Variants in DDX39B observed in about 807,000 individuals in gnomAD.
DDX39B encodes spliceosome RNA helicase DDX39B.
DDX39B carries 6 observed loss-of-function variants against 46.4 expected under a neutral mutation model. The observed-to-expected ratio is 0.13, with a 90% CI of 0.07 to 0.26. DDX39B has a LOEUF of 0.26. Ranked by LOEUF, DDX39B falls within the 10% of genes least tolerant of loss-of-function variation. DDX39B has a pLI of 1.00. For missense variants in DDX39B, 185 were observed against 553.4 expected (o/e 0.33, Z 6.68); for synonymous variants, 174 against 199.4 (o/e 0.87, Z 1.07).
chr6:31,530,749 C>A lies in DDX39B; in HGVS notation c.1270+30G>T, dbSNP rs1767069944. The stretch of plus-strand genomic sequence containing the variant: ...CAAACACACTAAGGAACAGGGAGGA[C>A]CTAAAGGGTTTCATGAGATCAGTAC... On this transcript the variant is annotated intron_variant, in intron 10 of 10. Transcript: ENST00000396172. This position sits in a 1 kb window ranked among gnomAD's most constrained non-coding sequence, Gnocchi z 4.5. The A allele has an allele frequency of 1.2e-6, 2 of 1,605,304 alleles. No individual in the cohort carries two copies. Among genetic ancestry groups the A allele is most frequent in the African/African-American group, 2.7e-5 (2 of 74,900 alleles).
intron 6 of DDX39B, 85 bp from the exon 7 acceptor site, chr6:31,532,996 A>G (rs747890142): frequency 2.0e-6 from 1 of 510,390 alleles, no homozygotes; most frequent in Non-Finnish European, 3.7e-6. Flanking sequence ...TTGATCTCCA[A>G]TACACCCCAT....
chr6:31,536,708 T>TCA (rs1334009305), intron 4 of DDX39B, 25 bp from the exon 5 acceptor site: 5 of 1,609,112 alleles, frequency 3.1e-6, no homozygotes, highest in Non-Finnish European at 3.4e-6. Context: ...GCAAAGAGTC[T>TCA]CAAAACAGAG....
At position 31,531,775 on chromosome 6, in the gene DDX39B, T is replaced by G. The variant is rs1442151683; in HGVS notation, c.868-370A>C. On this transcript the variant is annotated intron_variant, in intron 7 of 10. Transcript: ENST00000396172. This position sits in a 1 kb window ranked among gnomAD's most constrained non-coding sequence, Gnocchi z 5.8. ...AAACCTAAGGGAGCTATCCTAATTC[T>G]AGAAAGCAGTTTTAAATGCAAATAG... is the stretch of plus-strand genomic sequence containing the variant. 1 of 231,882 alleles carries G rather than the reference T, an allele frequency of 4.3e-6. No homozygotes were observed. Among genetic ancestry groups the G allele is most frequent in the Non-Finnish European group, 8.5e-6 (1 of 117,942 alleles). 14.4% of individuals were successfully genotyped at this position (231,882 alleles called of 1,614,324 possible).
At chr6:31,539,522 C>T (rs576904415) in intron 2 of DDX39B, among the ~76,000 whole-genome samples, 7 of 152,262 alleles carry the variant, frequency 4.6e-5, no homozygotes, top group African/African-American at 1.7e-4. Context: ...AGTAACAAAC[C>T]CCTTGCATCT....
intron 2 of DDX39B, among the ~76,000 whole-genome samples, chr6:31,539,829 C>T (rs1187943748): frequency 2.0e-5 from 3 of 152,016 alleles, no homozygotes; most frequent in Admixed American, 6.5e-5. Flanking sequence ...AGTCAAGTGA[C>T]AAAATTAAAA....
In DDX39B at chr6:31,532,929, G is replaced by T; in HGVS notation, c.736-18C>A. Reference sequence around the variant, plus strand: ...TCCATTGGCTGGGGGGGAGGAAGGGGGTGGGGAACGGGAGGAGGGCAGAGT... The same window carrying T: ...TCCATTGGCTGGGGGGGAGGAAGGGTGTGGGGAACGGGAGGAGGGCAGAGT... On this transcript the variant is annotated intron_variant, in intron 6 of 10. Transcript: ENST00000396172. 3.5e-6 allele frequency: 4 copies of T among 1,137,752 alleles called. No individual in the cohort carries two copies. The highest frequency in any genetic ancestry group is 4.5e-5 in the East Asian group (1 of 22,070). The allele number at this position is 1,137,752 out of a possible 1,614,324, so 70.5% of individuals were successfully genotyped here.
chr6:31,536,971 G>A (rs1383765710), intron 4 of DDX39B, among the ~76,000 whole-genome samples: 1 of 152,096 alleles, frequency 6.6e-6, no homozygotes. Flanking sequence ...AAAAAATAAA[G>A]GAGCCAGGTG....
intron 6 of DDX39B, 142 bp from the exon 7 acceptor site, chr6:31,533,053 CA>C: frequency 9.9e-6 from 6 of 607,760 alleles, no homozygotes; most frequent in Non-Finnish European, 1.5e-5. Context: ...ACCCCACTCC[CA>C]AAAATACCCA....
At position 31,535,271 on chromosome 6, in the gene DDX39B, G is replaced by T; in HGVS notation, c.735+96C>A. The stretch of plus-strand genomic sequence containing the variant: ...CCAGTTGGGCACAAGCCGCCTTCTT[G>T]GCACTTGAATGACAAGGGAGTCTGA... On this transcript the variant is annotated intron_variant, in intron 6 of 10. Transcript: ENST00000396172. The surrounding 1 kb of genome is among the most constrained non-coding windows in gnomAD (Gnocchi z 4.6). The T allele has an allele frequency of 8.1e-7, 1 of 1,228,092 alleles. No individual in the cohort carries two copies. Among genetic ancestry groups the T allele is most frequent in the Non-Finnish European group, 1.2e-6 (1 of 831,416 alleles). The allele number at this position is 1,228,092 out of a possible 1,614,324, so 76.1% of individuals were successfully genotyped here.
At chr6:31,540,224 G>A in intron 2 of DDX39B, 98 bp downstream of exon 2, 1 of 1,349,222 alleles carries the variant, frequency 7.4e-7, no homozygotes, top group East Asian at 2.3e-5. Flanking sequence ...CTAGCCTTAA[G>A]TATAAACCCT....
rs1767976619 is a variant in DDX39B at position 31,538,002 on chromosome 6, T to C, written c.432+761A>G. On this transcript the variant is annotated intron_variant, in intron 4 of 10. Coordinates refer to ENST00000396172, the MANE Select transcript of DDX39B (RefSeq NM_004640.7). ...GTGAGCTGAGATCGCGCCACTACAC[T>C]CACAGCCTGAGGGACACAGCGAGAC... 2.6e-5 allele frequency among the ~76,000 whole-genome samples: 4 copies of C among 151,462 alleles called. No homozygotes were observed. In the South Asian group the frequency reaches 8.5e-4, roughly 32 times the overall value.
chr6:31,536,668 C>CA lies in DDX39B; in HGVS notation c.447dup (p.Gly150TrpfsTer9), dbSNP rs777891843. 4.4e-6 allele frequency: 7 copies of CA among 1,606,500 alleles called. No individual in the cohort carries two copies. The highest frequency in any genetic ancestry group is 1.3e-5 in the African/African-American group (1 of 74,420). On this transcript the variant is annotated frameshift_variant, in exon 5 of 11. Coordinates refer to ENST00000396172, the MANE Select transcript of DDX39B (RefSeq NM_004640.7). LOFTEE classifies it high-confidence loss of function. ...TCATCCTTCTTGATAGACAGACCAC[C>CA]AAAAAAAACAGCAACCTGCCGAGCC...
chr6:31,534,728 T>A lies in DDX39B; in HGVS notation c.735+639A>T. 3 of 350,300 alleles carry A rather than the reference T, an allele frequency of 8.6e-6. No homozygotes were observed. The highest frequency in any genetic ancestry group is 1.7e-5 in the Non-Finnish European group (3 of 178,986). 21.7% of individuals were successfully genotyped at this position (350,300 alleles called of 1,614,324 possible). A position where few individuals can be genotyped will look rare whatever the true frequency, so the allele number is the denominator to read the frequency against. ...CATCCACCGCTGGGTGCCGTCTGCA[T>A]TCCCTCGCCGCGCCACGGTGCTTCT... On this transcript the variant is annotated intron_variant, in intron 6 of 10. Coordinates refer to ENST00000396172, the MANE Select transcript of DDX39B (RefSeq NM_004640.7). This position sits in a 1 kb window ranked among gnomAD's most constrained non-coding sequence, Gnocchi z 5.1.
At chr6:31,536,054 C>T (rs17200712) in intron 5 of DDX39B, among the ~76,000 whole-genome samples, 2 of 152,142 alleles carry the variant, frequency 1.3e-5, no homozygotes, top group Admixed American at 6.5e-5. Flanking sequence ...CACTAGAATA[C>T]CACATCACAC....
At position 31,539,656 on chromosome 6, in the gene DDX39B, C is replaced by T. The variant is rs116337851; in HGVS notation, c.212-382G>A. 8.5e-3 allele frequency among the ~76,000 whole-genome samples: 1,296 copies of T among 152,284 alleles called. 23 individuals carry two copies. The highest frequency in any genetic ancestry group is 0.027 in the African/African-American group (1,136 of 41,544). ...GCTTAGGTTGCTATACTTCGGGTCA[C>T]GTAACTACTACAACCCTGGACAAAA... On this transcript the variant is annotated intron_variant, in intron 2 of 10. Transcript: ENST00000396172.
At chr6:31,538,689 ACTATTGGC>A in intron 4 of DDX39B, 66 bp downstream of exon 4, 1 of 1,339,974 alleles carries the variant, frequency 7.5e-7, no homozygotes, top group Non-Finnish European at 1.0e-6. Context: ...AATTAAAGAG[ACTATTGGC>A]CTACAAGTTT....
At chr6:31,539,051 C>T in intron 3 of DDX39B, 96 bp downstream of exon 3, 1 of 1,603,364 alleles carries the variant, frequency 6.2e-7, no homozygotes, top group Non-Finnish European at 8.5e-7. Context: ...AGGTCATGTG[C>T]TCATGGCTCT....
rs1222041027 is a variant in DDX39B, at chr6:31,541,967, G to C, written c.-150C>G. 5 of 673,850 alleles carry C rather than the reference G, an allele frequency of 7.4e-6. No homozygotes were observed. Among genetic ancestry groups the C allele is most frequent in the Admixed American group, 2.1e-5 (1 of 48,498 alleles). The allele number at this position is 673,850 out of a possible 1,614,324, so 41.7% of individuals were successfully genotyped here. On this transcript the variant is annotated 5_prime_UTR_variant, in exon 1 of 11. Coordinates refer to ENST00000396172, the MANE Select transcript of DDX39B (RefSeq NM_004640.7). Reference sequence around the variant, plus strand: ...AAGCTTACCTAAACAGGGAGAGCGCGTATGGCGGCAGCAACAGCGACGAAG... The same window carrying C: ...AAGCTTACCTAAACAGGGAGAGCGCCTATGGCGGCAGCAACAGCGACGAAG...
Position 31,530,755 on chromosome 6 carries a change from G to A in DDX39B, c.1270+24C>T. 1 of 1,607,476 alleles carries A rather than the reference G, an allele frequency of 6.2e-7. No individual in the cohort carries two copies. Among genetic ancestry groups the A allele is most frequent in the South Asian group, 1.1e-5 (1 of 91,014 alleles). The stretch of plus-strand genomic sequence containing the variant: ...CACTAAGGAACAGGGAGGACCTAAA[G>A]GGTTTCATGAGATCAGTACTCACTG... On this transcript the variant is annotated intron_variant, in intron 10 of 10. Coordinates refer to ENST00000396172, the MANE Select transcript of DDX39B (RefSeq NM_004640.7). This position sits in a 1 kb window ranked among gnomAD's most constrained non-coding sequence, Gnocchi z 4.5.
Sources: allele counts gnomAD v4.1 joint callset (sites outside exome capture counted in the v4.1 genomes callset), GRCh38; gene constraint gnomAD v4.1.1; non-coding constraint Gnocchi (gnomAD v3.1); transcripts MANE v1.5; gene names NCBI Gene and HGNC (gene_info 2026-07-23, HGNC 2026-07-21).